The following CALD1 variants were observed in gnomAD, a reference collection of about 807,000 sequenced individuals.
CALD1 encodes caldesmon.
A neutral mutation model predicts 99.9 loss-of-function variants in CALD1; 33 were observed. The ratio of observed to expected loss-of-function variants is 0.33; its 90% CI spans 0.25 to 0.44. The LOEUF (loss-of-function observed/expected upper bound fraction) is 0.44, where lower values mean the gene tolerates loss of function less well. Ranked by LOEUF, CALD1 falls within the 20% of genes least tolerant of loss-of-function variation. The pLI, the probability that CALD1 is intolerant of heterozygous loss-of-function variation, is 1.00. For missense variants in CALD1, 861 were observed against 962.1 expected (o/e 0.89, Z 1.39); for synonymous variants, 310 against 325.0 (o/e 0.95, Z 0.50).
intron 3 of CALD1, among the ~76,000 whole-genome samples, chr7:134,880,389 G>A (rs1038322226): frequency 2.0e-5 from 3 of 152,136 alleles, no homozygotes; most frequent in Non-Finnish European, 2.9e-5. Context: ...GAGGTGGGGG[G>A]AGACTCAAGA....
At chr7:134,877,890 A>G (rs140488660) in intron 3 of CALD1, among the ~76,000 whole-genome samples, 153 of 152,334 alleles carry the variant, frequency 1.0e-3, no homozygotes, top group African/African-American at 3.4e-3. Context: ...TTTTGAAAAA[A>G]TGTATCCCAA....
rs192523652 is a variant in CALD1 at position 134,921,591 on chromosome 7, C to G, written c.72-7163C>G. 1.1e-4 allele frequency among the ~76,000 whole-genome samples: 17 copies of G among 152,280 alleles called. No individual in the cohort carries two copies. In the East Asian group the frequency reaches 3.1e-3, roughly 28 times the overall value. ...CTTTGGGAGGCCGAGGCGGGCGGAT[C>G]ACCTGAGGTCAGGAGTTCGAGACCA... is the stretch of plus-strand genomic sequence containing the variant. On this transcript the variant is annotated intron_variant, in intron 3 of 14. Coordinates refer to ENST00000361675, the MANE Select transcript of CALD1 (RefSeq NM_033138.4).
chr7:134,884,048 G>C (rs1224858190), intron 3 of CALD1, among the ~76,000 whole-genome samples: 1 of 151,602 alleles, frequency 6.6e-6, no homozygotes, highest in Non-Finnish European at 1.5e-5. Context: ...GTTGCAGTGA[G>C]CCAAGATCAC....
exon 1 of CALD1, chr7:134,744,318 C>T (rs1796616177): frequency 6.6e-6 from 1 of 152,154 alleles, no homozygotes; most frequent in African/African-American, 2.4e-5. Context: ...ACTGGGTCTA[C>T]CTCTAGATGT....
At chr7:134,795,637 T>G (rs1030933649) in intron 1 of CALD1, among the ~76,000 whole-genome samples, 1 of 152,138 alleles carries the variant, frequency 6.6e-6, no homozygotes, top group Non-Finnish European at 1.5e-5. Context: ...TTCTTTCTCT[T>G]CCTCCTCATT....
At chr7:134,958,678 G>A (rs1807974329) in intron 11 of CALD1, among the ~76,000 whole-genome samples, 2 of 151,484 alleles carry the variant, frequency 1.3e-5, no homozygotes, top group African/African-American at 4.8e-5. Flanking sequence ...AGCCGAATGT[G>A]AGCCACCACA....
At chr7:134,719,909 T>C in the CALD1 span, among the ~76,000 whole-genome samples, 1 of 152,190 alleles carries the variant, frequency 6.6e-6, no homozygotes, top group Non-Finnish European at 1.5e-5. Context: ...TCGCCAAAGA[T>C]GCCCGCAGTG....
In CALD1 at chr7:134,950,492, C is replaced by T; in HGVS notation, c.1913C>T (p.Thr638Ile). The T allele has an allele frequency of 1.9e-6, 3 of 1,614,012 alleles. No homozygotes were observed. Among genetic ancestry groups the T allele is most frequent in the South Asian group, 2.2e-5 (2 of 91,072 alleles). Residue 638 changes from threonine to isoleucine, a missense_variant, in exon 9 of 15, where the codon ACT becomes ATT. By Grantham distance (89) the Thr-to-Ile change is moderately conservative. Transcript: ENST00000361675. ...GACAAGAAACCATTCAAGTGTTTCA[C>T]TCCTAAAGGTTCATCTCTCAAGGTA... ...SDDKKPFKCF[T>I]PKGSSLKIEE...
At chr7:134,826,503 C>A (rs1799000420) in intron 1 of CALD1, among the ~76,000 whole-genome samples, 1 of 152,066 alleles carries the variant, frequency 6.6e-6, no homozygotes, top group Admixed American at 6.6e-5. Flanking sequence ...TTTAGGAGAC[C>A]CAATTTGCAG....
intron 1 of CALD1, among the ~76,000 whole-genome samples, chr7:134,842,551 GA>G (rs1220310633): frequency 6.6e-6 from 1 of 152,114 alleles, no homozygotes; most frequent in Non-Finnish European, 1.5e-5. Context: ...TTAAATTAAT[GA>G]AAATCTGGGT....
At chr7:134,821,470 C>A (rs1798770589) in intron 1 of CALD1, among the ~76,000 whole-genome samples, 2 of 151,860 alleles carry the variant, frequency 1.3e-5, no homozygotes, top group South Asian at 4.2e-4. Context: ...TTAGAGATAT[C>A]CAGAATTTTG....
upstream of CALD1, among the ~76,000 whole-genome samples, chr7:134,743,810 T>C (rs986120790): frequency 6.6e-5 from 10 of 152,248 alleles, no homozygotes; most frequent in East Asian, 1.5e-3. Flanking sequence ...TTCTCACAAA[T>C]ATAAGACTTA....
intron 3 of CALD1, among the ~76,000 whole-genome samples, chr7:134,903,772 C>T (rs1020788757): frequency 1.1e-4 from 16 of 152,084 alleles, no homozygotes; most frequent in African/African-American, 3.6e-4. Context: ...ACTCAGTTAG[C>T]TCGGTCAAGT....
At position 134,969,928 on chromosome 7, in the gene CALD1, A is replaced by G. The variant is rs995378602; in HGVS notation, c.*1583A>G. On this transcript the variant is annotated 3_prime_UTR_variant, in exon 15 of 15. Transcript: ENST00000361675. ...CAAAATTGTGTTAGTCTCAATTCCT[A>G]CCACACTGAGGGAGCCTCCCAAATA... The G allele has an allele frequency of 6.6e-5, 10 of 152,608 alleles. No homozygotes were observed. Among genetic ancestry groups the G allele is most frequent in the African/African-American group, 2.4e-4 (10 of 41,450 alleles). The allele number at this position is 152,608 out of a possible 1,614,324, so 9.5% of individuals were successfully genotyped here.
chr7:134,912,146 G>A (rs753212834), intron 3 of CALD1, among the ~76,000 whole-genome samples: 13 of 152,276 alleles, frequency 8.5e-5, no homozygotes, highest in Middle Eastern at 3.4e-3. Context: ...TTTCTGGCAC[G>A]AGCACCTCCC....
intron 3 of CALD1, among the ~76,000 whole-genome samples, chr7:134,893,760 A>G (rs1211696780): frequency 6.6e-6 from 1 of 152,188 alleles, no homozygotes; most frequent in African/African-American, 2.4e-5. Flanking sequence ...AATCGAGGAA[A>G]ATGACGAGGC....
At chr7:134,739,130 CTTTGAATGGTT>C in the CALD1 span, among the ~76,000 whole-genome samples, 1 of 152,118 alleles carries the variant, frequency 6.6e-6, no homozygotes, top group African/African-American at 2.4e-5. Context: ...CAGAGCTTTA[CTTTGAATGGTT>C]TTTGGAGCTT....
At chr7:134,832,293 T>C (rs1395669439) in intron 1 of CALD1, among the ~76,000 whole-genome samples, 3 of 152,242 alleles carry the variant, frequency 2.0e-5, no homozygotes, top group Non-Finnish European at 4.4e-5. Flanking sequence ...TGTCTCTTTC[T>C]GGCTGCTGTG....
chr7:134,920,468 A>G, intron 3 of CALD1: 2 of 1,068,002 alleles, frequency 1.9e-6, no homozygotes, highest in Non-Finnish European at 2.3e-6. Context: ...GTAATTGACT[A>G]AGAAGTCATC....
Sources: allele counts gnomAD v4.1 joint callset (sites outside exome capture counted in the v4.1 genomes callset), GRCh38; gene constraint gnomAD v4.1.1; transcripts MANE v1.5; gene names NCBI Gene and HGNC (gene_info 2026-07-23, HGNC 2026-07-21).